Variants in ARGLU1 observed in about 807,000 individuals in gnomAD.
The protein encoded by ARGLU1 is arginine and glutamate rich 1, also known as arginine and glutamate-rich protein 1.
ARGLU1 carries 9 observed loss-of-function variants against 37.6 expected under a neutral mutation model. The observed-to-expected ratio is 0.24, with a 90% confidence interval of 0.14 to 0.42. The LOEUF (loss-of-function observed/expected upper bound fraction) is 0.42, where lower values mean the gene tolerates loss of function less well. Ranked by LOEUF, ARGLU1 falls within the 10% of genes least tolerant of loss-of-function variation. The pLI, the probability that ARGLU1 is intolerant of heterozygous loss-of-function variation, is 1.00. For missense variants in ARGLU1, 211 were observed against 359.2 expected (o/e 0.59, Z 3.34); for synonymous variants, 166 against 138.5 (o/e 1.20, Z -1.39).
chr13:106,549,530 T>C (rs116125853), intron 3 of ARGLU1, among the ~76,000 whole-genome samples: 1,797 of 152,322 alleles, frequency 0.012, 30 homozygotes, highest in African/African-American at 0.04. Flanking sequence ...AGGTATTCCA[T>C]GTACAATGTT....
chr13:106,545,930 C>A (rs1414883722), intron 3 of ARGLU1, among the ~76,000 whole-genome samples: 1 of 152,178 alleles, frequency 6.6e-6, no homozygotes, highest in Admixed American at 6.5e-5. Flanking sequence ...CTGGACACAT[C>A]CACCTGGGAG....
chr13:106,561,587 C>T (rs1880804406), intron 1 of ARGLU1, among the ~76,000 whole-genome samples: 5 of 151,606 alleles, frequency 3.3e-5, no homozygotes, highest in Non-Finnish European at 5.9e-5. Flanking sequence ...ATCATAGTAC[C>T]GACTATTAAA....
At chr13:106,564,897 TACTG>T (rs1880918574) in intron 1 of ARGLU1, among the ~76,000 whole-genome samples, 2 of 152,230 alleles carry the variant, frequency 1.3e-5, no homozygotes, top group African/African-American at 4.8e-5. Context: ...ACATGGTTGT[TACTG>T]AAACATTTGG....
intron 1 of ARGLU1, among the ~76,000 whole-genome samples, chr13:106,563,006 A>C (rs1292294922): frequency 8.1e-6 from 1 of 123,170 alleles, no homozygotes; most frequent in Non-Finnish European, 1.7e-5. Context: ...AAAAAAAAAA[A>C]AACAAAAAAA....
At position 106,567,448 on chromosome 13, in the gene ARGLU1, C is replaced by T; in HGVS notation, c.347+125G>A. On this transcript the variant is annotated intron_variant, in intron 1 of 3. Transcript: ENST00000400198. The surrounding 1 kb of genome is among the most constrained non-coding windows in gnomAD (Gnocchi z 4.3). ...GCCGCCTCTCCGACCCGTTCCCGCGCCCGGTCCCCAGCCCCGGACCGTCCC... is the reference window on the plus strand; with the variant it reads ...GCCGCCTCTCCGACCCGTTCCCGCGTCCGGTCCCCAGCCCCGGACCGTCCC... The T allele has an allele frequency of 4.7e-6, 3 of 638,194 alleles. No individual in the cohort carries two copies. The highest frequency in any genetic ancestry group is 4.3e-5 in the Admixed American group (1 of 23,402). 39.5% of individuals were successfully genotyped at this position (638,194 alleles called of 1,614,324 possible).
intron 1 of ARGLU1, among the ~76,000 whole-genome samples, chr13:106,563,213 A>C (rs1241672120): frequency 6.6e-6 from 1 of 152,172 alleles, no homozygotes. Context: ...CTTATTACTT[A>C]ATAGGTAACA....
intron 3 of ARGLU1, among the ~76,000 whole-genome samples, chr13:106,549,942 T>C (rs542941224): frequency 1.3e-4 from 20 of 152,320 alleles, no homozygotes; most frequent in African/African-American, 4.3e-4. Context: ...CTTTGGAATT[T>C]TCTTTATACT....
At chr13:106,555,976 G>A (rs1044179874) in intron 3 of ARGLU1, among the ~76,000 whole-genome samples, 13 of 152,108 alleles carry the variant, frequency 8.5e-5, no homozygotes, top group African/African-American at 3.1e-4. Context: ...AAACCAGAGT[G>A]TATTTACCCT....
At chr13:106,559,080 A>G in intron 2 of ARGLU1, 1 of 1,224,144 alleles carries the variant, frequency 8.2e-7, no homozygotes. Context: ...ATACAACCAC[A>G]GGTGGATTTT....
intron 3 of ARGLU1, among the ~76,000 whole-genome samples, chr13:106,544,409 G>C (rs1487844595): frequency 6.6e-6 from 1 of 151,936 alleles, no homozygotes; most frequent in East Asian, 1.9e-4. Flanking sequence ...AGAGAAAAAA[G>C]AATTAAGAAA....
At chr13:106,563,035 G>A (rs1197151163) in intron 1 of ARGLU1, among the ~76,000 whole-genome samples, 1 of 140,394 alleles carries the variant, frequency 7.1e-6, no homozygotes, top group Non-Finnish European at 1.5e-5. Flanking sequence ...TAGTCACACT[G>A]AACTTTAAAA....
rs1419208064 is a variant in ARGLU1, at chr13:106,567,697, C to T, written c.223G>A (p.Ala75Thr). The T allele has an allele frequency of 1.9e-6, 3 of 1,612,766 alleles. No individual in the cohort carries two copies. The highest frequency in any genetic ancestry group is 2.5e-6 in the Non-Finnish European group (3 of 1,179,414). The change falls in exon 1 of 4, where the codon GCC becomes ACC. Residue 75 changes from alanine (A) to threonine (T), a missense_variant. Physicochemically the swap from Ala to Thr is moderately conservative, Grantham distance 58 (BLOSUM62 0). Around this residue, in one of 3 missense-constraint regions of ARGLU1, gnomAD observed 130 missense variants for 179.8 expected, o/e 0.72. Coordinates refer to ENST00000400198, the MANE Select transcript of ARGLU1 (RefSeq NM_018011.4). This position sits in a 1 kb window ranked among gnomAD's most constrained non-coding sequence, Gnocchi z 4.3. ...TCGATGCGGTCGGGCGGGGACGAGG[C>T]GCGCTCCCGGTCCCGCTCGCGCCGG... ...VSRRERDRER[A>T]SSPPDRIDIF...
At chr13:106,562,131 A>G (rs1880822676) in intron 1 of ARGLU1, among the ~76,000 whole-genome samples, 1 of 152,214 alleles carries the variant, frequency 6.6e-6, no homozygotes. Flanking sequence ...AAGCTTTGCA[A>G]CAGGCAGGGT....
chr13:106,566,067 G>C (rs1465673631), intron 1 of ARGLU1, among the ~76,000 whole-genome samples: 2 of 152,194 alleles, frequency 1.3e-5, no homozygotes, highest in African/African-American at 4.8e-5. Context: ...TCTGTTGATA[G>C]CTATTTGAGA....
Position 106,557,719 on chromosome 13 carries a change from T to A in ARGLU1, c.574-588A>T. On this transcript the variant is annotated intron_variant, in intron 2 of 3. Transcript: ENST00000400198. This position sits in a 1 kb window ranked among gnomAD's most constrained non-coding sequence, Gnocchi z 5.0. ...GGAAGGCTGAGCTGAGGAATGCAGA[T>A]GTTTATGGTAAGAAGGAACAAAAAA... The A allele has an allele frequency of 7.1e-7, 1 of 1,409,410 alleles. No homozygotes were observed. The highest frequency in any genetic ancestry group is 9.4e-7 in the Non-Finnish European group (1 of 1,068,222). 87.3% of individuals were successfully genotyped at this position (1,409,410 alleles called of 1,614,324 possible). A position where few individuals can be genotyped will look rare whatever the true frequency, so the allele number is the denominator to read the frequency against.
chr13:106,559,139 A>G (rs1354486354), intron 2 of ARGLU1: 1 of 1,330,498 alleles, frequency 7.5e-7, no homozygotes, highest in Non-Finnish European at 9.7e-7. Flanking sequence ...CCTCCCAAAA[A>G]AGAATGTAAG....
intron 3 of ARGLU1, among the ~76,000 whole-genome samples, chr13:106,551,220 T>C (rs1157589981): frequency 6.6e-6 from 1 of 152,276 alleles, no homozygotes; most frequent in Admixed American, 6.5e-5. Context: ...GTTCTTTCTA[T>C]ACTTATCAGT....
intron 3 of ARGLU1, among the ~76,000 whole-genome samples, chr13:106,556,026 CTT>C (rs1880654132): frequency 6.6e-6 from 1 of 152,194 alleles, no homozygotes. Context: ...AGATTGAACA[CTT>C]TCCCTCTTCT....
intron 3 of ARGLU1, among the ~76,000 whole-genome samples, chr13:106,549,804 T>C (rs1241594098): frequency 6.6e-6 from 1 of 152,182 alleles, no homozygotes; most frequent in Non-Finnish European, 1.5e-5. Context: ...TTACCTGAAG[T>C]GAAGACAACT....
Sources: gnomAD v4.1 joint callset for allele counts (sites outside exome capture counted in the v4.1 genomes callset) on GRCh38, gnomAD v4.1.1 for gene constraint, gnomAD v4.1.1 regional missense constraint, Gnocchi (gnomAD v3.1) non-coding constraint, MANE v1.5 for transcripts, NCBI Gene and HGNC (gene_info 2026-07-23, HGNC 2026-07-21) for gene names.